Variants in TENM4 observed in about 807,000 individuals in gnomAD.
The protein encoded by TENM4 is teneurin-4.
TENM4 carries 82 observed loss-of-function variants against 243.3 expected under a neutral mutation model. The observed-to-expected ratio is 0.34, with a 90% CI of 0.28 to 0.40. The LOEUF is 0.40. Among genes scored for constraint, TENM4 ranks in the 10% least tolerant of loss-of-function variants. The pLI, the probability that TENM4 is intolerant of heterozygous loss-of-function variation, is 1.00. For missense variants in TENM4, 3,138 were observed against 3,673.3 expected, an observed-to-expected ratio of 0.85 and a Z score of 3.77; for synonymous variants, 1,412 against 1,456.3, an observed-to-expected ratio of 0.97 and a Z score of 0.69.
intron 6 of TENM4, among the ~76,000 whole-genome samples, chr11:78,990,060 GT>G (rs1169287981): frequency 7.2e-6 from 1 of 139,372 alleles, no homozygotes; most frequent in Non-Finnish European, 1.5e-5. Flanking sequence ...GTGAGGCTTT[GT>G]TTAAAAAAAA....
chr11:79,364,436 C>A (rs1005877759), intron 1 of TENM4, among the ~76,000 whole-genome samples: 1 of 152,176 alleles, frequency 6.6e-6, no homozygotes, highest in African/African-American at 2.4e-5. Flanking sequence ...TTCCCCAAAA[C>A]CCCCAGATGT....
chr11:78,700,902 T>TCTCTTCATA lies in TENM4; in HGVS notation c.5087+615_5087+623dup, dbSNP rs557711783. On this transcript the variant is annotated intron_variant, in intron 28 of 33. Transcript: ENST00000278550. Reference sequence around the variant, plus strand: ...CCTCATTTCCCTACTTCCTGAAAGCTCTCTTCATATTACAGCGTAATATGC... The same window carrying TCTCTTCATA: ...CCTCATTTCCCTACTTCCTGAAAGCTCTCTTCATACTCTTCATATTACAGCGTAATATGC... Among the ~76,000 whole-genome samples the TCTCTTCATA allele has an allele frequency of 4.8e-4, 73 of 152,280 alleles. 1 individual carries two copies. The East Asian group carries it at 0.014, about 28-fold the overall frequency.
At chr11:78,701,153 G>C (rs1428103932) in intron 28 of TENM4, among the ~76,000 whole-genome samples, 2 of 152,144 alleles carry the variant, frequency 1.3e-5, no homozygotes, top group Non-Finnish European at 2.9e-5. Flanking sequence ...CACATTTGTG[G>C]ACAGTGGTCA....
At chr11:78,996,694 G>C (rs1858180039) in intron 6 of TENM4, among the ~76,000 whole-genome samples, 1 of 152,152 alleles carries the variant, frequency 6.6e-6, no homozygotes, top group Non-Finnish European at 1.5e-5. Context: ...TGCTGCTTTG[G>C]GGCCTAGGAA....
Position 78,763,728 on chromosome 11 carries a change from A to C in TENM4, c.2540-6707T>G, listed in dbSNP as rs541037824. 1.4e-4 allele frequency among the ~76,000 whole-genome samples: 21 copies of C among 152,344 alleles called. No individual in the cohort carries two copies. The South Asian group carries it at 4.1e-3, about 30-fold the overall frequency. On this transcript the variant is annotated intron_variant, in intron 18 of 33. Coordinates refer to ENST00000278550, the MANE Select transcript of TENM4 (RefSeq NM_001098816.3). ...CCTCTCTGGCCATGAGACCTTGGGC[A>C]CACCCTTCCTATGCCCGAGACGCAA...
chr11:79,342,329 C>T (rs17828961), intron 1 of TENM4, among the ~76,000 whole-genome samples: 6,665 of 152,188 alleles, frequency 0.044, 177 homozygotes, highest in Middle Eastern at 0.085. Context: ...TTCGCAATAG[C>T]GCACATGGGT....
chr11:79,173,725 G>A (rs1863099697), intron 3 of TENM4, among the ~76,000 whole-genome samples: 1 of 152,192 alleles, frequency 6.6e-6, no homozygotes, highest in Non-Finnish European at 1.5e-5. Flanking sequence ...GTGCAGAGCT[G>A]CTGGCAACCC....
At chr11:79,090,109 T>G (rs576555302) in intron 4 of TENM4, among the ~76,000 whole-genome samples, 1 of 152,214 alleles carries the variant, frequency 6.6e-6, no homozygotes, top group Non-Finnish European at 1.5e-5. Context: ...AGAAGTGACT[T>G]GTCCAAGGTC....
In TENM4 at chr11:78,870,798, C is replaced by A. The variant is rs527627042; in HGVS notation, c.1085-7666G>T. ...AGGCAGGGAACAGGTGAGCCCACCA[C>A]CAATACAGAGGAGGAATGTCACCTT... On this transcript the variant is annotated intron_variant, in intron 9 of 33. Coordinates refer to ENST00000278550, the MANE Select transcript of TENM4 (RefSeq NM_001098816.3). Among the ~76,000 whole-genome samples the A allele has an allele frequency of 5.3e-5, 8 of 152,204 alleles. No individual in the cohort carries two copies. In the East Asian group the frequency reaches 1.5e-3, roughly 29 times the overall value.
intron 6 of TENM4, among the ~76,000 whole-genome samples, chr11:79,039,839 A>G (rs1333526648): frequency 6.6e-6 from 1 of 152,210 alleles, no homozygotes; most frequent in Admixed American, 6.5e-5. Flanking sequence ...TACCTCCTAT[A>G]AACTGTGAAA....
At chr11:78,702,427 C>G in intron 27 of TENM4, 24 bp from the exon 28 acceptor site, 1 of 1,593,258 alleles carries the variant, frequency 6.3e-7, no homozygotes, top group South Asian at 1.1e-5. Flanking sequence ...CACCGATACT[C>G]AAATGACTGG....
intron 16 of TENM4, among the ~76,000 whole-genome samples, chr11:78,782,548 G>A (rs1217440764): frequency 6.6e-6 from 1 of 152,136 alleles, no homozygotes; most frequent in African/African-American, 2.4e-5. Context: ...GGTCAGCCGA[G>A]GTCGTGCCAC....
At chr11:78,826,886 A>G (rs494247) in intron 12 of TENM4, among the ~76,000 whole-genome samples, 82,041 of 152,062 alleles carry the variant, frequency 0.54, 24,827 homozygotes, top group African/African-American at 0.82. Context: ...CCCAGACCCT[A>G]TGATCAGCCA....
At chr11:79,155,068 C>G (rs896167917) in intron 3 of TENM4, among the ~76,000 whole-genome samples, 10 of 152,202 alleles carry the variant, frequency 6.6e-5, no homozygotes, top group Non-Finnish European at 1.0e-4. Context: ...ACTCAGGGCC[C>G]TTTCCTGTAC....
At position 78,862,954 on chromosome 11, in the gene TENM4, A is replaced by C. The variant is rs936654695; in HGVS notation, c.1255+8T>G. ...GGACTCACAACACGGACAACGCAGC[A>C]ACCCTACCTTCTGTGGTTCCTTTGC... On this transcript the variant is annotated splice_region_variant and intron_variant, in intron 10 of 33. Transcript: ENST00000278550. The C allele has an allele frequency of 2.4e-5, 35 of 1,440,182 alleles. No individual in the cohort carries two copies. Among genetic ancestry groups the C allele is most frequent in the Non-Finnish European group, 3.2e-5 (34 of 1,076,918 alleles). The allele number at this position is 1,440,182 out of a possible 1,614,324, so 89.2% of individuals were successfully genotyped here.
chr11:79,069,928 C>T lies in TENM4; in HGVS notation c.17G>A (p.Arg6Lys), dbSNP rs1312406939. Residue 6 changes from arginine to lysine, a missense_variant, in exon 5 of 34, where the codon AGG (arginine) becomes AAG (lysine). Transcript: ENST00000278550. ...CCGGGTCAGCGAGCGGTAAGGCTTCCTCTCCTTCACGTCCATGGCCTCCGG... is the reference window on the plus strand; with the variant it reads ...CCGGGTCAGCGAGCGGTAAGGCTTCTTCTCCTTCACGTCCATGGCCTCCGG... MDVKE[R>K]KPYRSLTRRR... The T allele has an allele frequency of 1.9e-6, 3 of 1,546,512 alleles. No individual in the cohort carries two copies. The highest frequency in any genetic ancestry group is 2.1e-4 in the Middle Eastern group (1 of 4,860).
rs1859370126 is a variant in TENM4, at chr11:79,440,144, C to A, written c.-321+365G>T. Reference sequence around the variant, plus strand: ...AGCTAGTCTGCAGAGGGGCTGCAGGCGACCGGGCCGGGGCGGGGAACGGGA... The same window carrying A: ...AGCTAGTCTGCAGAGGGGCTGCAGGAGACCGGGCCGGGGCGGGGAACGGGA... On this transcript the variant is annotated intron_variant, in intron 1 of 33. Coordinates refer to ENST00000278550, the MANE Select transcript of TENM4 (RefSeq NM_001098816.3). The surrounding 1 kb of genome is among the most constrained non-coding windows in gnomAD (Gnocchi z 4.7). 1.3e-5 allele frequency among the ~76,000 whole-genome samples: 2 copies of A among 152,066 alleles called. No individual in the cohort carries two copies. Among genetic ancestry groups the A allele is most frequent in the African/African-American group, 4.8e-5 (2 of 41,432 alleles).
chr11:79,244,326 T>A (rs1021892137), intron 2 of TENM4, among the ~76,000 whole-genome samples: 2 of 152,216 alleles, frequency 1.3e-5, no homozygotes, highest in Admixed American at 6.5e-5. Context: ...TTCTGTGTTC[T>A]GAAGAAGGAG....
intron 1 of TENM4, among the ~76,000 whole-genome samples, chr11:79,328,032 AG>A (rs1176902987): frequency 6.6e-6 from 1 of 152,208 alleles, no homozygotes; most frequent in Non-Finnish European, 1.5e-5. Context: ...TTATTTGAAA[AG>A]CTTCCTTTGA....
Sources: gnomAD v4.1 joint callset for allele counts (sites outside exome capture counted in the v4.1 genomes callset) on GRCh38, gnomAD v4.1.1 for gene constraint, Gnocchi (gnomAD v3.1) non-coding constraint, MANE v1.5 for transcripts, NCBI Gene and HGNC (gene_info 2026-07-23, HGNC 2026-07-21) for gene names.